ACAP2: variants seen among roughly 807,000 people sequenced by gnomAD.
The protein encoded by ACAP2 is arf-GAP with coiled-coil, ANK repeat and PH domain-containing protein 2.
A neutral mutation model predicts 115.8 loss-of-function variants in ACAP2; 39 were observed. That is an observed-to-expected ratio of 0.34 (90% confidence interval 0.26 to 0.44). The LOEUF (loss-of-function observed/expected upper bound fraction) is 0.44, where lower values mean the gene tolerates loss of function less well. Ranked by LOEUF, ACAP2 falls within the 20% of genes least tolerant of loss-of-function variation. The probability of loss-of-function intolerance (pLI) is 1.00; values close to 1 mark genes in which losing one functional copy is unlikely to be tolerated. For missense variants in ACAP2, 662 were observed against 927.6 expected, an observed-to-expected ratio of 0.71 and a Z score of 3.72; for synonymous variants, 289 against 315.8, an observed-to-expected ratio of 0.92 and a Z score of 0.90.
At chr3:195,305,020 G>A (rs1240486198) in intron 13 of ACAP2, among the ~76,000 whole-genome samples, 1 of 152,138 alleles carries the variant, frequency 6.6e-6, no homozygotes, top group Non-Finnish European at 1.5e-5. Context: ...AAGCAATGGG[G>A]GTTTTTCAAG....
intron 2 of ACAP2, 107 bp downstream of exon 2, chr3:195,391,981 TGA>T (rs1734710081): frequency 1.2e-6 from 1 of 842,208 alleles, no homozygotes; most frequent in East Asian, 2.9e-5. Context: ...GGCGACAGAG[TGA>T]GACTCTGTCT....
chr3:195,402,454 A>T (rs1712388746), intron 1 of ACAP2, among the ~76,000 whole-genome samples: 2 of 152,256 alleles, frequency 1.3e-5, no homozygotes, highest in South Asian at 4.1e-4. Context: ...AACTAAAGTT[A>T]TAATGAAAAA....
rs1734089773 is a variant in ACAP2 at position 195,383,596 on chromosome 3, G to T, written c.112-1574C>A. Among the ~76,000 whole-genome samples the T allele has an allele frequency of 2.0e-5, 3 of 150,226 alleles. No homozygotes were observed. The South Asian group carries it at 6.3e-4, about 31-fold the overall frequency. On this transcript the variant is annotated intron_variant, in intron 2 of 22. Coordinates refer to ENST00000326793, the MANE Select transcript of ACAP2 (RefSeq NM_012287.6). ...GGTTTTTTTTTTCAATAATCTCAAA[G>T]TGGGAAGTCTGAGAAGGATGCAAAG... is the stretch of plus-strand genomic sequence containing the variant.
chr3:195,306,378 T>C (rs1012458752), intron 13 of ACAP2, 133 bp downstream of exon 13: 12 of 501,692 alleles, frequency 2.4e-5, no homozygotes, highest in African/African-American at 2.4e-4. Context: ...TAAATCCAGA[T>C]TTTAAAAATA....
chr3:195,420,190 A>G (rs1316598566), intron 1 of ACAP2, among the ~76,000 whole-genome samples: 2 of 151,888 alleles, frequency 1.3e-5, no homozygotes, highest in East Asian at 3.9e-4. Context: ...TTTCATTTCT[A>G]TTTATAGTTT....
chr3:195,385,896 G>A (rs1734270124), intron 2 of ACAP2, among the ~76,000 whole-genome samples: 1 of 152,158 alleles, frequency 6.6e-6, no homozygotes, highest in Admixed American at 6.5e-5. Context: ...GGACATGAAA[G>A]TCTCTGAAGA....
intron 4 of ACAP2, among the ~76,000 whole-genome samples, chr3:195,377,165 A>C: frequency 1.4e-5 from 1 of 69,534 alleles, no homozygotes; most frequent in Non-Finnish European, 2.6e-5. Flanking sequence ...TTTTTTTGGA[A>C]ACAAGGTCTC....
In ACAP2 at chr3:195,374,800, C is replaced by T. The variant is rs184927588; in HGVS notation, c.285+6209G>A. ...CACCATCTCGGCTCACTACAAGCTC[C>T]GCCTCCCGGGTTCATGCCATTCTCC... is the stretch of plus-strand genomic sequence containing the variant. On this transcript the variant is annotated intron_variant, in intron 4 of 22. Transcript: ENST00000326793. Among the ~76,000 whole-genome samples the T allele has an allele frequency of 5.0e-3, 758 of 152,064 alleles. 3 individuals are homozygous for T. The highest frequency in any genetic ancestry group is 7.4e-3 in the Non-Finnish European group (501 of 67,988).
chr3:195,408,320 G>A (rs1026692457), intron 1 of ACAP2, among the ~76,000 whole-genome samples: 4 of 151,986 alleles, frequency 2.6e-5, no homozygotes, highest in Non-Finnish European at 4.4e-5. Context: ...AAAATTAGCC[G>A]GGCATTGGTG....
At chr3:195,363,733 T>G (rs1033285217) in intron 4 of ACAP2, among the ~76,000 whole-genome samples, 1 of 151,760 alleles carries the variant, frequency 6.6e-6, no homozygotes, top group African/African-American at 2.4e-5. Context: ...AGAGCAATAG[T>G]AACCAAAGCA....
At chr3:195,352,214 T>C (rs1231461055) in intron 4 of ACAP2, among the ~76,000 whole-genome samples, 6 of 152,166 alleles carry the variant, frequency 3.9e-5, no homozygotes, top group African/African-American at 1.4e-4. Context: ...ACATGCTGTA[T>C]AGGTTTGCAG....
chr3:195,404,191 C>T (rs1295047428), intron 1 of ACAP2, among the ~76,000 whole-genome samples: 1 of 151,850 alleles, frequency 6.6e-6, no homozygotes, highest in East Asian at 1.9e-4. Flanking sequence ...AGAAGAAAAC[C>T]AAGAGGGTGT....
At chr3:195,317,118 A>G (rs1026745538) in intron 10 of ACAP2, among the ~76,000 whole-genome samples, 1 of 151,766 alleles carries the variant, frequency 6.6e-6, no homozygotes, top group Non-Finnish European at 1.5e-5. Context: ...GGCTGGTCTC[A>G]AACTCCTGAC....
chr3:195,416,925 CT>C (rs151106936), intron 1 of ACAP2, among the ~76,000 whole-genome samples: 34 of 147,056 alleles, frequency 2.3e-4, no homozygotes, highest in African/African-American at 2.0e-4. Flanking sequence ...GATCTCAAGT[CT>C]TTTTTTTTTA....
chr3:195,346,384 G>A (rs1017646792), intron 4 of ACAP2, among the ~76,000 whole-genome samples: 1 of 152,106 alleles, frequency 6.6e-6, no homozygotes, highest in Non-Finnish European at 1.5e-5. Context: ...TGATCAGAAA[G>A]AAGACGCAAA....
At chr3:195,319,774 C>T (rs1369225889) in intron 10 of ACAP2, among the ~76,000 whole-genome samples, 1 of 152,094 alleles carries the variant, frequency 6.6e-6, no homozygotes, top group African/African-American at 2.4e-5. Context: ...AGACTGTGGA[C>T]TTGGACTTTT....
chr3:195,314,213 T>A (rs1284036950), intron 10 of ACAP2, among the ~76,000 whole-genome samples: 4 of 151,648 alleles, frequency 2.6e-5, no homozygotes, highest in East Asian at 1.9e-4. Flanking sequence ...TTTTTTTTTT[T>A]AATTTTTGTG....
chr3:195,373,319 G>C (rs1733304105), intron 4 of ACAP2, among the ~76,000 whole-genome samples: 1 of 152,006 alleles, frequency 6.6e-6, no homozygotes, highest in African/African-American at 2.4e-5. Context: ...TATGCATGTA[G>C]ATATGATACA....
At chr3:195,397,036 G>A (rs1175975864) in intron 1 of ACAP2, among the ~76,000 whole-genome samples, 1 of 151,984 alleles carries the variant, frequency 6.6e-6, no homozygotes, top group Non-Finnish European at 1.5e-5. Flanking sequence ...AAACATTAAA[G>A]GTGGATTTCA....
Sources: gnomAD v4.1 joint callset for allele counts (sites outside exome capture counted in the v4.1 genomes callset) on GRCh38, gnomAD v4.1.1 for gene constraint, MANE v1.5 for transcripts, NCBI Gene and HGNC (gene_info 2026-07-23, HGNC 2026-07-21) for gene names.